Variants in ABCB1 observed in about 807,000 individuals in gnomAD.
The protein encoded by ABCB1 is ATP-dependent translocase ABCB1.
Under a neutral mutation model 142.0 loss-of-function variants are expected in ABCB1, and 69 were observed. That is an observed-to-expected ratio of 0.49 (90% CI 0.40 to 0.59). The LOEUF (loss-of-function observed/expected upper bound fraction) is 0.59, where lower values mean the gene tolerates loss of function less well. Ranked by LOEUF, ABCB1 falls within the 20% of genes least tolerant of loss-of-function variation. The probability of loss-of-function intolerance (pLI) is 0.00; values close to 1 mark genes in which losing one functional copy is unlikely to be tolerated. For missense variants in ABCB1, 1,326 were observed against 1,554.7 expected (o/e 0.85, Z 2.47); for synonymous variants, 532 against 539.2 (o/e 0.99, Z 0.18).
chr7:87,633,861 TG>T (rs755576877), intron 1 of ABCB1, among the ~76,000 whole-genome samples: 3 of 152,152 alleles, frequency 2.0e-5, no homozygotes, highest in Non-Finnish European at 4.4e-5. Context: ...TATCCTGTTT[TG>T]TGTTGCTATA....
chr7:87,505,182 T>C (rs1443361201), intron 27 of ABCB1, among the ~76,000 whole-genome samples: 1 of 152,116 alleles, frequency 6.6e-6, no homozygotes, highest in Non-Finnish European at 1.5e-5. Context: ...CAGGCTGGTC[T>C]CAAAAATCCT....
intron 1 of ABCB1, among the ~76,000 whole-genome samples, chr7:87,627,179 A>C (rs1820715515): frequency 6.6e-6 from 1 of 152,192 alleles, no homozygotes; most frequent in Non-Finnish European, 1.5e-5. Context: ...AAACTTTAAA[A>C]ACCTCAGAAA....
At chr7:87,532,982 G>A (rs1471004599) in intron 20 of ABCB1, among the ~76,000 whole-genome samples, 1 of 152,064 alleles carries the variant, frequency 6.6e-6, no homozygotes, top group East Asian at 1.9e-4. Context: ...ATAACTATCA[G>A]TAGCCTTTAA....
At chr7:87,711,674 AAATT>A (rs28381723) in intron 1 of ABCB1, among the ~76,000 whole-genome samples, 27 of 152,218 alleles carry the variant, frequency 1.8e-4, no homozygotes, top group South Asian at 1.2e-3. Context: ...GTATAAATTT[AAATT>A]AATTAATATT....
At chr7:87,651,210 G>A (rs1184621216) in intron 1 of ABCB1, among the ~76,000 whole-genome samples, 2 of 152,068 alleles carry the variant, frequency 1.3e-5, no homozygotes, top group South Asian at 2.1e-4. Flanking sequence ...TTGAAAGGAA[G>A]CGCATCCCAA....
At chr7:87,703,720 T>C (rs1398411958) in intron 1 of ABCB1, among the ~76,000 whole-genome samples, 1 of 151,906 alleles carries the variant, frequency 6.6e-6, no homozygotes, top group Non-Finnish European at 1.5e-5. Context: ...TTATTACATA[T>C]TAACAGATGT....
intron 21 of ABCB1, among the ~76,000 whole-genome samples, chr7:87,530,576 AG>A (rs1815990622): frequency 6.6e-6 from 1 of 152,076 alleles, no homozygotes; most frequent in Non-Finnish European, 1.5e-5. Context: ...ACAAGTATGC[AG>A]GGGAAAAAAA....
intron 1 of ABCB1, among the ~76,000 whole-genome samples, chr7:87,690,302 T>C (rs1467841701): frequency 6.6e-6 from 1 of 152,194 alleles, no homozygotes; most frequent in Non-Finnish European, 1.5e-5. Context: ...GTTCATGTGA[T>C]CTATATTTTT....
intron 1 of ABCB1, among the ~76,000 whole-genome samples, chr7:87,626,198 A>ATTGTCATATATATGTGTCACATATAT (rs11440100): frequency 7.7e-5 from 1 of 12,960 alleles, no homozygotes; most frequent in African/African-American, 5.4e-4. Flanking sequence ...TGTCATATAT[A>ATTGTCATATATATGTGTCACATATAT]TGTCATATAT....
intron 14 of ABCB1, among the ~76,000 whole-genome samples, chr7:87,548,003 T>A: frequency 7.1e-6 from 1 of 141,058 alleles, no homozygotes. Context: ...GGTGACAGAG[T>A]GAGAAAAGAA....
Position 87,553,992 on chromosome 7 carries a change from T to C in ABCB1, c.828-60A>G, listed in dbSNP as rs900396865. Reference sequence around the variant, plus strand: ...TTTATGAAAACATGTCGATATAGCATGATAGTTACAGAGTGGCTAGGATGT... The same window carrying C: ...TTTATGAAAACATGTCGATATAGCACGATAGTTACAGAGTGGCTAGGATGT... On this transcript the variant is annotated intron_variant, in intron 8 of 27. Transcript: ENST00000622132. 4 of 1,496,560 alleles carry C rather than the reference T, an allele frequency of 2.7e-6. No homozygotes were observed. The African/African-American group carries it at 4.1e-5, about 15-fold the overall frequency. 92.7% of individuals were successfully genotyped at this position (1,496,560 alleles called of 1,614,324 possible).
At chr7:87,596,318 C>T (rs1819205646) in intron 2 of ABCB1, among the ~76,000 whole-genome samples, 1 of 151,954 alleles carries the variant, frequency 6.6e-6, no homozygotes, top group Non-Finnish European at 1.5e-5. Context: ...AGATGCTGGG[C>T]ATAACTAGCC....
intron 22 of ABCB1, 41 bp from the exon 23 acceptor site, chr7:87,519,507 C>A (rs199578502): frequency 4.3e-6 from 7 of 1,612,582 alleles, no homozygotes; most frequent in Non-Finnish European, 5.9e-6. Flanking sequence ...ACTTTCATTT[C>A]TCAGTCCTTA....
intron 1 of ABCB1, among the ~76,000 whole-genome samples, chr7:87,709,779 T>A (rs1173358528): frequency 1.3e-5 from 2 of 152,222 alleles, no homozygotes; most frequent in African/African-American, 4.8e-5. Flanking sequence ...TTAGTCTTCA[T>A]GAAGTTTTTT....
At chr7:87,679,087 C>CT (rs35353390) in intron 1 of ABCB1, among the ~76,000 whole-genome samples, 32 of 60,644 alleles carry the variant, frequency 5.3e-4, no homozygotes, top group South Asian at 1.3e-3. Context: ...AACACCCCAA[C>CT]TTTTTTTTTT....
intron 1 of ABCB1, among the ~76,000 whole-genome samples, chr7:87,658,593 A>G (rs1824362914): frequency 6.6e-6 from 1 of 152,252 alleles, no homozygotes; most frequent in Non-Finnish European, 1.5e-5. Flanking sequence ...CACGATAATT[A>G]AACCAATAAA....
At chr7:87,651,719 C>G (rs2130378527) in intron 1 of ABCB1, among the ~76,000 whole-genome samples, 1 of 152,204 alleles carries the variant, frequency 6.6e-6, no homozygotes, top group East Asian at 1.9e-4. Context: ...CTCAGGCGTA[C>G]TGTGAAGATT....
intron 8 of ABCB1, among the ~76,000 whole-genome samples, chr7:87,555,984 A>G (rs1249322475): frequency 6.6e-6 from 1 of 152,214 alleles, no homozygotes; most frequent in African/African-American, 2.4e-5. Context: ...AGACATCAGA[A>G]AGGAGAAATA....
At chr7:87,696,728 G>T (rs1448339983) in intron 1 of ABCB1, among the ~76,000 whole-genome samples, 1 of 152,166 alleles carries the variant, frequency 6.6e-6, no homozygotes, top group African/African-American at 2.4e-5. Flanking sequence ...TTGTAGAGCA[G>T]ATAAATGTGT....
Sources: gnomAD v4.1 joint callset for allele counts (sites outside exome capture counted in the v4.1 genomes callset) on GRCh38, gnomAD v4.1.1 for gene constraint, MANE v1.5 for transcripts, NCBI Gene and HGNC (gene_info 2026-07-23, HGNC 2026-07-21) for gene names.